The following SNTG1 variants were observed in gnomAD, a reference collection of about 807,000 sequenced individuals.
SNTG1 encodes the protein syntrophin gamma 1.
SNTG1 carries 39 observed loss-of-function variants against 74.7 expected under a neutral mutation model. The ratio of observed to expected loss-of-function variants is 0.52; its 90% CI spans 0.40 to 0.68. The LOEUF (loss-of-function observed/expected upper bound fraction) is 0.68, where lower values mean the gene tolerates loss of function less well. Ranked by LOEUF, SNTG1 falls within the 30% of genes least tolerant of loss-of-function variation. The pLI, the probability that SNTG1 is intolerant of heterozygous loss-of-function variation, is 0.00. For synonymous variants in SNTG1, 254 were observed against 217.1 expected (o/e 1.17, Z -1.49); for missense variants, 685 against 609.5 (o/e 1.12, Z -1.30).
chr8:50,635,362 T>G (rs1204318395), intron 13 of SNTG1, among the ~76,000 whole-genome samples: 2 of 152,118 alleles, frequency 1.3e-5, no homozygotes, highest in African/African-American at 4.8e-5. Flanking sequence ...CAGCCTTGTG[T>G]CTTTCCCTTA....
rs186220423 is a variant in SNTG1, at chr8:50,352,364, C to T, written c.-27-41848C>T. Among the ~76,000 whole-genome samples the T allele has an allele frequency of 7.2e-5, 11 of 151,978 alleles. No homozygotes were observed. The East Asian group carries it at 2.1e-3, about 29-fold the overall frequency. Reference sequence around the variant, plus strand: ...AAGCACAGTTATTCAAAACATCTGACATCCTCCTTATGGTTTTTGGTTCGT... The same window carrying T: ...AAGCACAGTTATTCAAAACATCTGATATCCTCCTTATGGTTTTTGGTTCGT... On this transcript the variant is annotated intron_variant, in intron 2 of 18. Coordinates refer to ENST00000642720, the MANE Select transcript of SNTG1 (RefSeq NM_018967.5).
intron 2 of SNTG1, among the ~76,000 whole-genome samples, chr8:50,222,858 AC>A (rs2085140099): frequency 6.6e-6 from 1 of 152,160 alleles, no homozygotes; most frequent in Non-Finnish European, 1.5e-5. Flanking sequence ...GACATATAAC[AC>A]CATCTGAGGC....
intron 2 of SNTG1, among the ~76,000 whole-genome samples, chr8:50,220,314 A>C (rs1040889822): frequency 6.6e-6 from 1 of 152,190 alleles, no homozygotes; most frequent in Admixed American, 6.6e-5. Context: ...GGTTATATAG[A>C]TATATCTGCA....
intron 8 of SNTG1, among the ~76,000 whole-genome samples, chr8:50,455,229 T>C (rs969730091): frequency 6.6e-6 from 1 of 152,208 alleles, no homozygotes; most frequent in African/African-American, 2.4e-5. Flanking sequence ...ATGAGACTTT[T>C]GAAAGAGATC....
intron 1 of SNTG1, among the ~76,000 whole-genome samples, chr8:50,031,756 T>C (rs1426600471): frequency 1.3e-5 from 2 of 152,110 alleles, no homozygotes; most frequent in African/African-American, 2.4e-5. Context: ...ATTTTTTATC[T>C]ATATTTATGA....
intron 2 of SNTG1, among the ~76,000 whole-genome samples, chr8:50,362,112 T>C (rs751109149): frequency 1.3e-5 from 2 of 152,122 alleles, no homozygotes; most frequent in Non-Finnish European, 2.9e-5. Context: ...TTTCCAATTA[T>C]ATTTGTATAG....
rs1452971416 is a variant in SNTG1 at position 50,738,792 on chromosome 8, A to C, written c.1285-13209A>C. On this transcript the variant is annotated intron_variant, in intron 17 of 18. Coordinates refer to ENST00000642720, the MANE Select transcript of SNTG1 (RefSeq NM_018967.5). ...CATCTGATCTTCCACAAACCTGACA[A>C]AAAAAAAAAAGCAATGGGGAAAGGA... Among the ~76,000 whole-genome samples the C allele has an allele frequency of 3.3e-4, 19 of 57,878 alleles. No individual in the cohort carries two copies. The South Asian group carries it at 0.014, about 43-fold the overall frequency. The allele number at this position is 57,878 out of a possible 152,430, so 38.0% of individuals were successfully genotyped here.
intron 17 of SNTG1, among the ~76,000 whole-genome samples, chr8:50,719,618 A>G (rs1261583491): frequency 6.6e-6 from 1 of 152,194 alleles, no homozygotes; most frequent in African/African-American, 2.4e-5. Flanking sequence ...TGGCATGTAA[A>G]CTTTCTGAAA....
chr8:50,303,888 G>T (rs1241221554), intron 2 of SNTG1, among the ~76,000 whole-genome samples: 4 of 151,968 alleles, frequency 2.6e-5, no homozygotes, highest in Non-Finnish European at 4.4e-5. Context: ...CTTTAAAAAA[G>T]AATCATATTG....
chr8:50,034,462 A>G (rs1370789836), intron 1 of SNTG1, among the ~76,000 whole-genome samples: 1 of 152,224 alleles, frequency 6.6e-6, no homozygotes, highest in Non-Finnish European at 1.5e-5. Flanking sequence ...GCCAGCATTT[A>G]AAAATCAAAG....
chr8:50,670,406 A>C (rs1177540633), intron 15 of SNTG1, among the ~76,000 whole-genome samples: 1 of 151,824 alleles, frequency 6.6e-6, no homozygotes, highest in Non-Finnish European at 1.5e-5. Context: ...TAATAGACAA[A>C]CAGAGAGCCA....
At chr8:50,710,811 C>G (rs1328393179) in intron 17 of SNTG1, among the ~76,000 whole-genome samples, 2 of 152,088 alleles carry the variant, frequency 1.3e-5, no homozygotes, top group African/African-American at 2.4e-5. Flanking sequence ...CCAGAGAAAA[C>G]AGTTTAGTAG....
intron 12 of SNTG1, among the ~76,000 whole-genome samples, chr8:50,556,380 G>A (rs2094455609): frequency 6.6e-6 from 1 of 152,058 alleles, no homozygotes; most frequent in African/African-American, 2.4e-5. Context: ...CACATAATGA[G>A]CATTTGCTAT....
chr8:49,994,594 TA>T (rs1814024933), intron 1 of SNTG1, among the ~76,000 whole-genome samples: 1 of 151,996 alleles, frequency 6.6e-6, no homozygotes, highest in Non-Finnish European at 1.5e-5. Flanking sequence ...TGGAACTTTA[TA>T]AAGAGCTATG....
intron 2 of SNTG1, among the ~76,000 whole-genome samples, chr8:50,207,152 T>C (rs903695404): frequency 3.9e-5 from 6 of 152,218 alleles, no homozygotes; most frequent in South Asian, 2.1e-4. Context: ...TACCAGCTCC[T>C]CTTTGTACCT....
chr8:50,491,647 C>T (rs776715526), intron 8 of SNTG1, among the ~76,000 whole-genome samples: 7 of 152,202 alleles, frequency 4.6e-5, no homozygotes, highest in Non-Finnish European at 7.3e-5. Context: ...GGGCACCCAG[C>T]GCTGCTGGAG....
Position 50,185,928 on chromosome 8 carries a change from A to G in SNTG1, c.-28+13293A>G, listed in dbSNP as rs1220192013. Among the ~76,000 whole-genome samples, 3 of 151,814 alleles carry G rather than the reference A, an allele frequency of 2.0e-5. No individual in the cohort carries two copies. In the South Asian group the frequency reaches 6.2e-4, roughly 31 times the overall value. On this transcript the variant is annotated intron_variant, in intron 2 of 18. Coordinates refer to ENST00000642720, the MANE Select transcript of SNTG1 (RefSeq NM_018967.5). Reference sequence around the variant, plus strand: ...TGTGCCATGGTGGTTTGTTTGCTGCACCTATCAACACGTCATCTAGGTTTT... The same window carrying G: ...TGTGCCATGGTGGTTTGTTTGCTGCGCCTATCAACACGTCATCTAGGTTTT...
chr8:50,228,507 A>G lies in SNTG1; in HGVS notation c.-28+55872A>G, dbSNP rs1159070873. ...TTTAAATTGTTGAAAACAATGGTGAAGAGAAAATCTTGAAATAAACCAGAG... is the reference window on the plus strand; with the variant it reads ...TTTAAATTGTTGAAAACAATGGTGAGGAGAAAATCTTGAAATAAACCAGAG... On this transcript the variant is annotated intron_variant, in intron 2 of 18. Coordinates refer to ENST00000642720, the MANE Select transcript of SNTG1 (RefSeq NM_018967.5). Among the ~76,000 whole-genome samples the G allele has an allele frequency of 2.6e-5, 4 of 151,974 alleles. No homozygotes were observed. The East Asian group carries it at 7.7e-4, about 29-fold the overall frequency.
chr8:50,389,505 C>T (rs911859474), intron 2 of SNTG1, among the ~76,000 whole-genome samples: 38 of 152,112 alleles, frequency 2.5e-4, no homozygotes, highest in Non-Finnish European at 2.8e-4. Context: ...TGGCTTGGTT[C>T]GAAGTCTTTG....
Sources: gnomAD v4.1 joint callset for allele counts (sites outside exome capture counted in the v4.1 genomes callset) on GRCh38, gnomAD v4.1.1 for gene constraint, MANE v1.5 for transcripts, NCBI Gene and HGNC (gene_info 2026-07-23, HGNC 2026-07-21) for gene names.